SAMMSON: variants seen among roughly 807,000 people sequenced by gnomAD.
The protein encoded by SAMMSON is long intergenic non-protein coding RNA 1212.
chr3:70,320,639 A>T (rs1702531955), intron 7 of SAMMSON, among the ~76,000 whole-genome samples: 1 of 151,998 alleles, frequency 6.6e-6, no homozygotes, highest in South Asian at 2.1e-4. Context: ...TTAGAAGAGG[A>T]CCATCATTAC....
At chr3:70,279,505 G>A (rs1391294159) in intron 6 of SAMMSON, among the ~76,000 whole-genome samples, 2 of 152,028 alleles carry the variant, frequency 1.3e-5, no homozygotes, top group Non-Finnish European at 2.9e-5. Flanking sequence ...CACTTTCTCA[G>A]TTCTCCTCCA....
intron 4 of SAMMSON, among the ~76,000 whole-genome samples, chr3:70,132,541 A>G (rs2067486745): frequency 6.6e-6 from 1 of 152,116 alleles, no homozygotes; most frequent in South Asian, 2.1e-4. Flanking sequence ...CCCAGCCTCA[A>G]GGTGCCTGTT....
intron 2 of SAMMSON, among the ~76,000 whole-genome samples, chr3:70,415,488 C>A (rs909409370): frequency 2.0e-5 from 3 of 152,052 alleles, no homozygotes; most frequent in Non-Finnish European, 4.4e-5. Context: ...GTGGGAGGAG[C>A]TCCCCCTCCT....
intron 7 of SAMMSON, among the ~76,000 whole-genome samples, chr3:70,342,091 C>G (rs766580640): frequency 1.3e-5 from 2 of 152,128 alleles, no homozygotes; most frequent in Admixed American, 1.3e-4. Context: ...AGTAACAAAG[C>G]GTAGTCTGAA....
chr3:70,203,654 G>A (rs935957691), intron 4 of SAMMSON, among the ~76,000 whole-genome samples: 1 of 152,120 alleles, frequency 6.6e-6, no homozygotes, highest in Non-Finnish European at 1.5e-5. Context: ...AATTTACAGT[G>A]TAGAAAATGT....
intron 4 of SAMMSON, among the ~76,000 whole-genome samples, chr3:70,228,957 T>C (rs1701534109): frequency 6.6e-6 from 1 of 151,882 alleles, no homozygotes; most frequent in Non-Finnish European, 1.5e-5. Context: ...AAGAGCAGAG[T>C]CCAGTGAAGA....
intron 6 of SAMMSON, among the ~76,000 whole-genome samples, chr3:70,289,261 A>G (rs1702202192): frequency 6.6e-6 from 1 of 150,834 alleles, no homozygotes; most frequent in Non-Finnish European, 1.5e-5. Flanking sequence ...CCTGGTGGTG[A>G]CAAAATCTCT....
chr3:70,374,905 T>G (rs2106748063), intron 9 of SAMMSON, among the ~76,000 whole-genome samples: 1 of 152,210 alleles, frequency 6.6e-6, no homozygotes, highest in Middle Eastern at 3.4e-3. Flanking sequence ...CTAGAGAGAG[T>G]GGGCTTTTGC....
chr3:70,149,804 A>G (rs1217566203), intron 4 of SAMMSON, among the ~76,000 whole-genome samples: 5 of 152,028 alleles, frequency 3.3e-5, no homozygotes, highest in African/African-American at 4.8e-5. Context: ...TCAAAATTCC[A>G]TCATAGGTCT....
chr3:70,145,045 C>T (rs1204083615), intron 4 of SAMMSON, among the ~76,000 whole-genome samples: 2 of 152,158 alleles, frequency 1.3e-5, no homozygotes, highest in Non-Finnish European at 2.9e-5. Context: ...TGTTACCCAT[C>T]TTTCTCCCCT....
intron 6 of SAMMSON, among the ~76,000 whole-genome samples, chr3:70,276,866 T>C (rs1702032175): frequency 6.6e-6 from 1 of 152,254 alleles, no homozygotes; most frequent in Non-Finnish European, 1.5e-5. Flanking sequence ...CAAATTAGAT[T>C]GTAGTTTTGT....
At chr3:70,054,476 G>T (rs2067159994) in intron 3 of SAMMSON, among the ~76,000 whole-genome samples, 1 of 152,074 alleles carries the variant, frequency 6.6e-6, no homozygotes, top group South Asian at 2.1e-4. Context: ...TGTTGACTTT[G>T]CATCCTCTCT....
chr3:70,186,121 C>T (rs1249437441), intron 4 of SAMMSON, among the ~76,000 whole-genome samples: 1 of 152,202 alleles, frequency 6.6e-6, no homozygotes, highest in East Asian at 1.9e-4. Flanking sequence ...CTTTCCTCAT[C>T]ACAATGTATG....
chr3:70,375,614 C>A (rs537105505), intron 9 of SAMMSON, among the ~76,000 whole-genome samples: 3 of 152,108 alleles, frequency 2.0e-5, no homozygotes, highest in Admixed American at 6.5e-5. Context: ...GCAAATATGT[C>A]ATTCCTACAA....
chr3:70,315,186 A>G (rs758160505), intron 7 of SAMMSON, among the ~76,000 whole-genome samples: 10 of 152,162 alleles, frequency 6.6e-5, no homozygotes, highest in African/African-American at 2.2e-4. Flanking sequence ...ATAATATTCA[A>G]TTTGGCTGAT....
At chr3:70,056,787 T>C (rs2067169558) in intron 3 of SAMMSON, among the ~76,000 whole-genome samples, 1 of 152,080 alleles carries the variant, frequency 6.6e-6, no homozygotes, top group African/African-American at 2.4e-5. Context: ...ATCCAGATAC[T>C]CTTTCCACTG....
At chr3:70,419,874 G>A (rs998494822) in intron 2 of SAMMSON, among the ~76,000 whole-genome samples, 61 of 152,148 alleles carry the variant, frequency 4.0e-4, no homozygotes, top group African/African-American at 1.3e-3. Context: ...TCCTGACCTC[G>A]TGATCTTCCT....
intron 4 of SAMMSON, among the ~76,000 whole-genome samples, chr3:70,130,329 A>G (rs929916473): frequency 3.3e-5 from 5 of 152,210 alleles, no homozygotes; most frequent in South Asian, 2.1e-4. Context: ...TGATGCTGCA[A>G]TAAGACTTGA....
intron 4 of SAMMSON, among the ~76,000 whole-genome samples, chr3:70,149,098 G>T (rs530996251): frequency 2.6e-5 from 4 of 152,172 alleles, no homozygotes; most frequent in Admixed American, 2.6e-4. Flanking sequence ...CTAGTTAGAA[G>T]TTCTGAAAAT....
Sources: gnomAD v4.1 joint callset for allele counts (sites outside exome capture counted in the v4.1 genomes callset) on GRCh38, gnomAD v4.1.1 for gene constraint, MANE v1.5 for transcripts, NCBI Gene and HGNC (gene_info 2026-07-23, HGNC 2026-07-21) for gene names.